HEXB: variants seen among roughly 807,000 people sequenced by gnomAD.
HEXB encodes the protein beta-hexosaminidase subunit beta.
Under a neutral mutation model 71.2 loss-of-function variants are expected in HEXB, and 51 were observed. The observed-to-expected ratio is 0.72, with a 90% CI of 0.57 to 0.90. HEXB has a LOEUF of 0.90. HEXB is among the 40% of genes least tolerant of loss of function. The pLI is 0.00. For synonymous variants in HEXB, 266 were observed against 249.3 expected (o/e 1.07, Z -0.63); for missense variants, 617 against 677.0 (o/e 0.91, Z 0.98).
At chr5:74,700,375 T>C (rs1236949797) in intron 5 of HEXB, among the ~76,000 whole-genome samples, 2 of 152,104 alleles carry the variant, frequency 1.3e-5, no homozygotes, top group African/African-American at 4.8e-5. Flanking sequence ...GTTTAATGTT[T>C]TAATGTTATA....
At chr5:74,678,499 T>C (rs1297561380) in intron 1 of HEXB, among the ~76,000 whole-genome samples, 1 of 151,512 alleles carries the variant, frequency 6.6e-6, no homozygotes, top group African/African-American at 2.4e-5. Context: ...ATTCAATATA[T>C]GACATTTTCA....
chr5:74,693,846 T>G (rs1162895002), intron 3 of HEXB, 142 bp downstream of exon 3: 1 of 726,428 alleles, frequency 1.4e-6, no homozygotes, highest in African/African-American at 1.7e-5. Context: ...ATGATTTCCA[T>G]TGAACATGTA....
chr5:74,705,323 G>A lies in HEXB; in HGVS notation c.771+3G>A, dbSNP rs1390526202. ...CTTTTCCTGAGTTAAGCAATAAAGTGAGTAAATTGTATTGTACTCTGTCTA... is the reference window on the plus strand; with the variant it reads ...CTTTTCCTGAGTTAAGCAATAAAGTAAGTAAATTGTATTGTACTCTGTCTA... On this transcript the variant is annotated splice_donor_region_variant and intron_variant, in intron 6 of 13. Coordinates refer to ENST00000261416, the MANE Select transcript of HEXB (RefSeq NM_000521.4). 1.4e-5 allele frequency: 20 copies of A among 1,478,218 alleles called. No individual in the cohort carries two copies. The highest frequency in any genetic ancestry group is 1.7e-5 in the Non-Finnish European group (18 of 1,056,188). 91.6% of individuals were successfully genotyped at this position (1,478,218 alleles called of 1,614,324 possible).
Position 74,652,661 on chromosome 5 carries a change from T to C in HEXB, c.-377+12103T>C, listed in dbSNP as rs1175765894. Reference sequence around the variant, plus strand: ...AAGGGATTCCCTCCCTTACCCCCACTACCCCCAGGATTGTGTCCAAGTTCC... The same window carrying C: ...AAGGGATTCCCTCCCTTACCCCCACCACCCCCAGGATTGTGTCCAAGTTCC... On this transcript the variant is annotated intron_variant, in intron 1 of 13. Transcript: ENST00000511181. The surrounding 1 kb of genome is among the most constrained non-coding windows in gnomAD (Gnocchi z 5.4). Among the ~76,000 whole-genome samples the C allele has an allele frequency of 6.6e-6, 1 of 152,114 alleles. No individual in the cohort carries two copies. The highest frequency in any genetic ancestry group is 1.5e-5 in the Non-Finnish European group (1 of 68,004).
intron 1 of HEXB, among the ~76,000 whole-genome samples, chr5:74,661,125 T>C (rs990676042): frequency 1.3e-5 from 2 of 152,198 alleles, no homozygotes; most frequent in African/African-American, 2.4e-5. Context: ...CGGGGGCTGC[T>C]GAGAAGTTGC....
At chr5:74,665,958 A>C (rs1208773387) in intron 1 of HEXB, among the ~76,000 whole-genome samples, 1 of 152,236 alleles carries the variant, frequency 6.6e-6, no homozygotes, top group Non-Finnish European at 1.5e-5. Context: ...AGCATGAATA[A>C]ACATGCCTCT....
At chr5:74,720,289 T>C in intron 11 of HEXB, 139 bp from the exon 12 acceptor site, 1 of 715,872 alleles carries the variant, frequency 1.4e-6, no homozygotes, top group South Asian at 1.5e-5. Flanking sequence ...CCACAACCAT[T>C]AGCATCTCCC....
intron 1 of HEXB, among the ~76,000 whole-genome samples, chr5:74,655,999 G>C (rs1192179365): frequency 2.0e-5 from 3 of 152,172 alleles, no homozygotes; most frequent in African/African-American, 7.2e-5. Flanking sequence ...GAATTGACTA[G>C]AAAAGGCTAT....
chr5:74,695,020 A>G (rs1451456681), intron 3 of HEXB, among the ~76,000 whole-genome samples: 1 of 152,086 alleles, frequency 6.6e-6, no homozygotes, highest in Non-Finnish European at 1.5e-5. Flanking sequence ...TGTTACCTAA[A>G]ATAATCATTG....
At chr5:74,704,567 A>C (rs1463474606) in intron 5 of HEXB, among the ~76,000 whole-genome samples, 2 of 152,128 alleles carry the variant, frequency 1.3e-5, no homozygotes, top group African/African-American at 4.8e-5. Flanking sequence ...ACTTAAATGA[A>C]TGCTCCGTTT....
upstream of HEXB, among the ~76,000 whole-genome samples, chr5:74,684,674 C>CTTTTTTTTT (rs1191674612): frequency 7.5e-6 from 1 of 133,904 alleles, no homozygotes; most frequent in African/African-American, 3.0e-5. Flanking sequence ...TTTTTCTTTT[C>CTTTTTTTTT]TTTTTTTTTT....
chr5:74,713,967 A>G (rs1749614600), intron 7 of HEXB, among the ~76,000 whole-genome samples: 1 of 152,168 alleles, frequency 6.6e-6, no homozygotes, highest in Non-Finnish European at 1.5e-5. Flanking sequence ...CAGCCTACTG[A>G]GTAGCTGGGA....
At chr5:74,667,324 C>T in intron 1 of HEXB, among the ~76,000 whole-genome samples, 1 of 151,944 alleles carries the variant, frequency 6.6e-6, no homozygotes, top group East Asian at 1.9e-4. Flanking sequence ...GAGGCTGAGG[C>T]AGGAGAATCA....
Position 74,685,322 on chromosome 5 carries a change from C to T in HEXB, c.62C>T (p.Thr21Ile). 1 of 1,573,786 alleles carries T rather than the reference C, an allele frequency of 6.4e-7. No homozygotes were observed. The highest frequency in any genetic ancestry group is 8.6e-7 in the Non-Finnish European group (1 of 1,162,144). ...PPMLLALLLA[T>I]LLAAMLALLT... The stretch of plus-strand genomic sequence containing the variant: ...ATGCTGCTGGCGCTGCTGTTGGCGA[C>T]ACTGCTGGCGGCGATGTTGGCGCTG... Residue 21 changes from threonine to isoleucine, a missense_variant, in exon 1 of 14, where the codon ACA becomes ATA. Thr to Ile is a moderately conservative substitution (Grantham distance 89, BLOSUM62 -1). Transcript: ENST00000261416.
At chr5:74,669,703 G>A (rs563291477) in intron 1 of HEXB, among the ~76,000 whole-genome samples, 1 of 152,232 alleles carries the variant, frequency 6.6e-6, no homozygotes, top group Non-Finnish European at 1.5e-5. Flanking sequence ...AGGGTGCCAA[G>A]TGGCTGGCAG....
intron 5 of HEXB, 124 bp from the exon 6 acceptor site, chr5:74,705,095 A>C: frequency 3.0e-6 from 1 of 331,030 alleles, no homozygotes; most frequent in Non-Finnish European, 5.6e-6. Context: ...CTGTCTCAAA[A>C]AAAAAAAAAA....
At position 74,652,459 on chromosome 5, in the gene HEXB, C is replaced by T. The variant is rs1748135489; in HGVS notation, c.-377+11901C>T. ...TTAATCAATGGTACGAAAATTGCAG[C>T]CGCTCCCATGTGTTGGGATGTTTTG... On this transcript the variant is annotated intron_variant, in intron 1 of 13. Transcript: ENST00000511181. This position sits in a 1 kb window ranked among gnomAD's most constrained non-coding sequence, Gnocchi z 5.4. Among the ~76,000 whole-genome samples the T allele has an allele frequency of 6.6e-6, 1 of 152,208 alleles. No homozygotes were observed. The highest frequency in any genetic ancestry group is 2.4e-5 in the African/African-American group (1 of 41,448).
chr5:74,650,270 C>T (rs1379895575), intron 1 of HEXB, among the ~76,000 whole-genome samples: 1 of 152,172 alleles, frequency 6.6e-6, no homozygotes, highest in African/African-American at 2.4e-5. Flanking sequence ...CGTCTAGAAG[C>T]CAGCTCACTA....
At chr5:74,717,176 C>CTCAA (rs550573223) in intron 9 of HEXB, among the ~76,000 whole-genome samples, 14 of 152,122 alleles carry the variant, frequency 9.2e-5, no homozygotes, top group East Asian at 1.9e-4. Flanking sequence ...GTGAGACTGT[C>CTCAA]TCAATCAATC....
Sources: allele counts gnomAD v4.1 joint callset (sites outside exome capture counted in the v4.1 genomes callset), GRCh38; gene constraint gnomAD v4.1.1; non-coding constraint Gnocchi (gnomAD v3.1); transcripts MANE v1.5; gene names NCBI Gene and HGNC (gene_info 2026-07-23, HGNC 2026-07-21).